ZNF718: variants seen among roughly 807,000 people sequenced by gnomAD.
ZNF718 encodes zinc finger protein 718.
Under a neutral mutation model 2.6 loss-of-function variants are expected in ZNF718, and 3 were observed. The observed-to-expected ratio is 1.16, with a 90% CI of 0.53 to 3.01. The LOEUF is 3.01. Among genes scored for constraint, ZNF718 ranks in the 30% most tolerant of loss-of-function variants. The probability of loss-of-function intolerance (pLI) is 0.03; values close to 1 mark genes in which losing one functional copy is unlikely to be tolerated. For missense variants in ZNF718, 468 were observed against 230.0 expected (o/e 2.03, Z -6.69); for synonymous variants, 135 against 77.9 (o/e 1.73, Z -3.86).
chr4:157,656 G>GT (rs1179846577), intron 3 of ZNF718, among the ~76,000 whole-genome samples: 2 of 152,014 alleles, frequency 1.3e-5, no homozygotes, highest in African/African-American at 4.8e-5. Flanking sequence ...AAGATTTTCA[G>GT]TTTTTTTATT....
chr4:198,031 C>T (rs1280403447), intron 3 of ZNF718, among the ~76,000 whole-genome samples: 1 of 152,126 alleles, frequency 6.6e-6, no homozygotes, highest in Non-Finnish European at 1.5e-5. Context: ...GCATGGTCTC[C>T]AACCCTCCTA....
chr4:143,702 C>G (rs1553810650), intron 3 of ZNF718, among the ~76,000 whole-genome samples: 1 of 152,074 alleles, frequency 6.6e-6, no homozygotes, highest in African/African-American at 2.4e-5. Context: ...ATCTTTTAAC[C>G]AAACACGTTT....
At chr4:185,972 C>T (rs114291812) in intron 3 of ZNF718, among the ~76,000 whole-genome samples, 2 of 152,044 alleles carry the variant, frequency 1.3e-5, no homozygotes, top group Non-Finnish European at 2.9e-5. Flanking sequence ...TGTCTTTTAA[C>T]TGGGGCACTT....
intron 3 of ZNF718, among the ~76,000 whole-genome samples, chr4:183,191 G>A (rs190943451): frequency 4.1e-4 from 63 of 152,270 alleles, no homozygotes; most frequent in African/African-American, 1.5e-3. Flanking sequence ...GTGTAAGAAA[G>A]GGATTCAGTT....
At chr4:190,809 GGC>G (rs1401295251) in intron 3 of ZNF718, among the ~76,000 whole-genome samples, 5 of 152,200 alleles carry the variant, frequency 3.3e-5, no homozygotes, top group African/African-American at 1.2e-4. Context: ...GGGAGGCTGG[GGC>G]GGGCAGATCA....
At chr4:153,269 C>G (rs1274567585) in intron 3 of ZNF718, among the ~76,000 whole-genome samples, 2 of 152,072 alleles carry the variant, frequency 1.3e-5, no homozygotes, top group African/African-American at 4.8e-5. Context: ...TGGATACTGT[C>G]ATCTGTCTAT....
chr4:172,347 A>T (rs1380400141), intron 3 of ZNF718, among the ~76,000 whole-genome samples: 5 of 152,184 alleles, frequency 3.3e-5, no homozygotes, highest in Admixed American at 6.5e-5. Flanking sequence ...ACACATTTTT[A>T]AAAATTTAAA....
chr4:124,747 A>T lies in ZNF718; in HGVS notation c.3+74A>T, dbSNP rs1715116003. ...ACCGGCGGGAAATGGCGGCGGTGGGAGGAGTCTGTGAATGGAGTTCCCGCT... is the reference window on the plus strand; with the variant it reads ...ACCGGCGGGAAATGGCGGCGGTGGGTGGAGTCTGTGAATGGAGTTCCCGCT... On this transcript the variant is annotated intron_variant, in intron 1 of 3. Transcript: ENST00000510175. 4 of 1,586,100 alleles carry T rather than the reference A, an allele frequency of 2.5e-6. No individual in the cohort carries two copies. The South Asian group carries it at 4.5e-5, about 18-fold the overall frequency.
At chr4:199,748 A>G (rs529929065) in intron 3 of ZNF718, among the ~76,000 whole-genome samples, 2 of 151,944 alleles carry the variant, frequency 1.3e-5, no homozygotes, top group African/African-American at 4.8e-5. Flanking sequence ...GGGTTTGGGG[A>G]TTTTTCTCTT....
chr4:192,800 A>C (rs545730755), intron 3 of ZNF718, among the ~76,000 whole-genome samples: 21 of 152,344 alleles, frequency 1.4e-4, no homozygotes, highest in Admixed American at 1.1e-3. Flanking sequence ...CGATTCTGGA[A>C]GAGACAAACT....
At chr4:157,268 A>G (rs1716616876) in intron 3 of ZNF718, among the ~76,000 whole-genome samples, 1 of 151,720 alleles carries the variant, frequency 6.6e-6, no homozygotes, top group Non-Finnish European at 1.5e-5. Flanking sequence ...ATGTGCCACC[A>G]TGCCCAGCTA....
chr4:140,508 T>C (rs1314428738), intron 3 of ZNF718, among the ~76,000 whole-genome samples: 54 of 152,186 alleles, frequency 3.5e-4, no homozygotes, highest in Admixed American at 3.3e-3. Context: ...ACCTGGTTAA[T>C]GTGTGATGCC....
chr4:186,583 G>A (rs543346996), intron 3 of ZNF718, among the ~76,000 whole-genome samples: 1 of 152,084 alleles, frequency 6.6e-6, no homozygotes, highest in East Asian at 1.9e-4. Context: ...ATGTTCATAC[G>A]TCTCAGAGGT....
chr4:150,692 T>C (rs543684327), intron 3 of ZNF718, among the ~76,000 whole-genome samples: 7 of 152,322 alleles, frequency 4.6e-5, no homozygotes, highest in Admixed American at 1.3e-4. Flanking sequence ...CTATTATAAA[T>C]AGTACTATAA....
chr4:165,379 A>G (rs56296713), downstream of ZNF718, among the ~76,000 whole-genome samples: 1,938 of 152,320 alleles, frequency 0.013, 47 homozygotes, highest in African/African-American at 0.044. Flanking sequence ...AATTCTAAAC[A>G]AAGTATGTTA....
At chr4:197,345 T>C (rs1717812165) in intron 3 of ZNF718, among the ~76,000 whole-genome samples, 1 of 152,084 alleles carries the variant, frequency 6.6e-6, no homozygotes, top group African/African-American at 2.4e-5. Flanking sequence ...AAGATGGGGC[T>C]AAGAAAGACA....
intron 3 of ZNF718, among the ~76,000 whole-genome samples, chr4:170,360 C>A (rs555480618): frequency 6.6e-6 from 1 of 152,012 alleles, no homozygotes; most frequent in Non-Finnish European, 1.5e-5. Context: ...ATCTTTGTGG[C>A]GATCTCTGTA....
intron 3 of ZNF718, among the ~76,000 whole-genome samples, chr4:158,697 A>G (rs1716685899): frequency 6.6e-6 from 1 of 151,924 alleles, no homozygotes; most frequent in Non-Finnish European, 1.5e-5. Flanking sequence ...TTAACAGTTT[A>G]TGATTAAGGG....
intron 3 of ZNF718, among the ~76,000 whole-genome samples, chr4:187,577 G>C (rs1458828967): frequency 6.6e-6 from 1 of 152,188 alleles, no homozygotes; most frequent in African/African-American, 2.4e-5. Flanking sequence ...ACCAGTTAAG[G>C]TTGCAATACA....
Sources: gnomAD v4.1 joint callset for allele counts (sites outside exome capture counted in the v4.1 genomes callset) on GRCh38, gnomAD v4.1.1 for gene constraint, MANE v1.5 for transcripts, NCBI Gene and HGNC (gene_info 2026-07-23, HGNC 2026-07-21) for gene names.